The following AKT2 variants were observed in gnomAD, a reference collection of about 807,000 sequenced individuals.
AKT2 encodes the protein AKT serine/threonine kinase 2.
In AKT2, 16 loss-of-function variants were observed where a neutral mutation model predicts 58.6. The observed-to-expected ratio is 0.27, with a 90% confidence interval of 0.18 to 0.41. The LOEUF is 0.41. Ranked by LOEUF, AKT2 falls within the 10% of genes least tolerant of loss-of-function variation. The pLI is 1.00. For missense variants in AKT2, 438 were observed against 661.0 expected (o/e 0.66, Z 3.70); for synonymous variants, 253 against 254.0 (o/e 1.00, Z 0.04).
rs568382575 is a variant in AKT2, at chr19:40,233,057, A to C, written c.*815T>G. 3.4e-5 allele frequency: 8 copies of C among 234,506 alleles called. No individual in the cohort carries two copies. The Admixed American group carries it at 4.4e-4, about 13-fold the overall frequency. 14.5% of individuals were successfully genotyped at this position (234,506 alleles called of 1,614,324 possible). ...AGGGTGAGCCCAGCCCATAGCCCCC[A>C]GTGGGGCCAGGCCAGGCCCAGGGTC... is the stretch of plus-strand genomic sequence containing the variant. On this transcript the variant is annotated 3_prime_UTR_variant, in exon 14 of 14. Coordinates refer to ENST00000392038, the MANE Select transcript of AKT2 (RefSeq NM_001626.6). This position sits in a 1 kb window ranked among gnomAD's most constrained non-coding sequence, Gnocchi z 4.3.
Position 40,240,007 on chromosome 19 carries a change from C to T in AKT2, c.639+38G>A, listed in dbSNP as rs566917128. The T allele has an allele frequency of 5.6e-6, 9 of 1,600,782 alleles. No individual in the cohort carries two copies. In the East Asian group the frequency reaches 2.0e-4, roughly 36 times the overall value. ...TCTCTCTCTGAGCTCTGTCCAAAGGCTGGCCTCACACTGTCTGGGAAGGGG... is the reference window on the plus strand; with the variant it reads ...TCTCTCTCTGAGCTCTGTCCAAAGGTTGGCCTCACACTGTCTGGGAAGGGG... On this transcript the variant is annotated intron_variant, in intron 7 of 13. Coordinates refer to ENST00000392038, the MANE Select transcript of AKT2 (RefSeq NM_001626.6).
At chr19:40,279,364 C>A (rs1246834080) in intron 1 of AKT2, 2 of 152,742 alleles carry the variant, frequency 1.3e-5, no homozygotes. Flanking sequence ...CCCAGGCTGT[C>A]TCCCCCAGCT....
intron 2 of AKT2, among the ~76,000 whole-genome samples, chr19:40,257,615 A>ACACG (rs1975634974): frequency 6.6e-6 from 1 of 151,738 alleles, no homozygotes; most frequent in African/African-American, 2.4e-5. Context: ...ACACACACAC[A>ACACG]CACACGAACC....
chr19:40,244,268 C>T (rs1331744678), intron 4 of AKT2: 1 of 151,648 alleles, frequency 6.6e-6, no homozygotes, highest in Non-Finnish European at 1.5e-5. Context: ...CATGGATACC[C>T]ACTTTGTAGA....
Position 40,237,586 on chromosome 19 carries a change from A to C in AKT2, c.831+383T>G, listed in dbSNP as rs1974108376. The C allele has an allele frequency of 4.9e-6, 1 of 203,140 alleles. No homozygotes were observed. Among genetic ancestry groups the C allele is most frequent in the Admixed American group, 5.4e-5 (1 of 18,602 alleles). The allele number at this position is 203,140 out of a possible 1,614,324, so 12.6% of individuals were successfully genotyped here. ...CTTGAACCCGGGAGGCAGAGGTTGC[A>C]GCGAGCCGAGATCACACCACTGCAC... On this transcript the variant is annotated intron_variant, in intron 9 of 13. Coordinates refer to ENST00000392038, the MANE Select transcript of AKT2 (RefSeq NM_001626.6). The surrounding 1 kb of genome is among the most constrained non-coding windows in gnomAD (Gnocchi z 4.5).
intron 1 of AKT2, among the ~76,000 whole-genome samples, chr19:40,270,042 G>A (rs995581708): frequency 1.3e-5 from 2 of 152,170 alleles, no homozygotes; most frequent in East Asian, 1.9e-4. Flanking sequence ...ACATGGGGAC[G>A]CCCCACCTCA....
chr19:40,258,299 A>C (rs1351762643), intron 2 of AKT2, among the ~76,000 whole-genome samples: 1 of 151,524 alleles, frequency 6.6e-6, no homozygotes, highest in Non-Finnish European at 1.5e-5. Flanking sequence ...ATGGATGCAC[A>C]ACTCTGAACA....
At position 40,238,370 on chromosome 19, in the gene AKT2, G is replaced by A. The variant is rs572753377; in HGVS notation, c.709-279C>T. On this transcript the variant is annotated intron_variant, in intron 8 of 13. Coordinates refer to ENST00000392038, the MANE Select transcript of AKT2 (RefSeq NM_001626.6). The surrounding 1 kb of genome is among the most constrained non-coding windows in gnomAD (Gnocchi z 5.1). ...GGCATGGAGGCAAAAAGAAGCACAC[G>A]TCATGACCAAGTAACAATAGGCCAT... 3.9e-5 allele frequency among the ~76,000 whole-genome samples: 6 copies of A among 152,300 alleles called. No individual in the cohort carries two copies. The highest frequency in any genetic ancestry group is 2.6e-4 in the Admixed American group (4 of 15,298).
At chr19:40,249,233 G>C (rs984014968) in intron 4 of AKT2, among the ~76,000 whole-genome samples, 7 of 152,182 alleles carry the variant, frequency 4.6e-5, no homozygotes, top group African/African-American at 1.4e-4. Flanking sequence ...AGTAGCTGCT[G>C]TGTGGGCTAC....
At chr19:40,284,298 C>T (rs1459832246) in intron 1 of AKT2, among the ~76,000 whole-genome samples, 1 of 152,164 alleles carries the variant, frequency 6.6e-6, no homozygotes, top group African/African-American at 2.4e-5. Context: ...AGCCCAATCC[C>T]TCTTCCTCTT....
chr19:40,240,021 T>C lies in AKT2; in HGVS notation c.639+24A>G, dbSNP rs1974292480. 7 of 1,611,620 alleles carry C rather than the reference T, an allele frequency of 4.3e-6. 1 individual carries two copies. In the South Asian group the frequency reaches 5.5e-5, roughly 13 times the overall value. On this transcript the variant is annotated intron_variant, in intron 7 of 13. Transcript: ENST00000392038. ...CTGTCCAAAGGCTGGCCTCACACTG[T>C]CTGGGAAGGGGAGGGCAACTCACAG...
intron 1 of AKT2, among the ~76,000 whole-genome samples, chr19:40,281,419 G>A (rs1463233053): frequency 6.6e-6 from 1 of 152,136 alleles, no homozygotes; most frequent in Non-Finnish European, 1.5e-5. Context: ...TAAAGCCTAG[G>A]AGGTCAAGCC....
intron 2 of AKT2, among the ~76,000 whole-genome samples, chr19:40,259,091 A>C (rs1367725034): frequency 6.6e-6 from 1 of 152,254 alleles, no homozygotes; most frequent in African/African-American, 2.4e-5. Flanking sequence ...GCCAAAAAAT[A>C]AACCCAAATA....
intron 2 of AKT2, among the ~76,000 whole-genome samples, chr19:40,259,477 C>CA (rs947858795): frequency 9.2e-5 from 14 of 151,910 alleles, no homozygotes; most frequent in Admixed American, 2.0e-4. Flanking sequence ...GCTAAAACTA[C>CA]AAAAAAAGTC....
At chr19:40,267,029 C>G (rs749149855) in intron 1 of AKT2, among the ~76,000 whole-genome samples, 5 of 152,100 alleles carry the variant, frequency 3.3e-5, no homozygotes, top group Non-Finnish European at 7.4e-5. Context: ...TCTAACGTGA[C>G]CATCTCTCCC....
chr19:40,256,007 C>G lies in AKT2; in HGVS notation c.176-738G>C, dbSNP rs186506552. ...AGGGCACTGAGGACCAGGCCCAGGC[C>G]TCTCGGCCTGCTGTCCCTGAGACAG... On this transcript the variant is annotated intron_variant, in intron 3 of 13. Transcript: ENST00000392038. Among the ~76,000 whole-genome samples the G allele has an allele frequency of 2.0e-5, 3 of 152,308 alleles. No individual in the cohort carries two copies. The East Asian group carries it at 5.8e-4, about 29-fold the overall frequency.
intron 7 of AKT2, chr19:40,239,755 G>A: frequency 1.6e-6 from 1 of 623,306 alleles, no homozygotes; most frequent in South Asian, 1.6e-5. Context: ...TGGGCTAAGT[G>A]CTCCTAACTC....
intron 2 of AKT2, among the ~76,000 whole-genome samples, chr19:40,264,709 T>C (rs772202227): frequency 1.3e-4 from 20 of 151,994 alleles, no homozygotes; most frequent in Non-Finnish European, 2.8e-4. Flanking sequence ...GGCAGCCTCT[T>C]GATGCCCCCC....
At chr19:40,275,879 G>A (rs2077311753) in intron 1 of AKT2, among the ~76,000 whole-genome samples, 2 of 151,180 alleles carry the variant, frequency 1.3e-5, no homozygotes, top group Admixed American at 6.6e-5. Flanking sequence ...CAGGCGTGGT[G>A]GTAGGCGCCT....
Sources: allele counts gnomAD v4.1 joint callset (sites outside exome capture counted in the v4.1 genomes callset), GRCh38; gene constraint gnomAD v4.1.1; non-coding constraint Gnocchi (gnomAD v3.1); transcripts MANE v1.5; gene names NCBI Gene and HGNC (gene_info 2026-07-23, HGNC 2026-07-21).